IL12RB1: variants seen among roughly 807,000 people sequenced by gnomAD.
IL12RB1 encodes interleukin 12 receptor subunit beta 1.
IL12RB1 carries 64 observed loss-of-function variants against 94.4 expected under a neutral mutation model. The observed-to-expected ratio is 0.68, with a 90% CI of 0.55 to 0.83. The LOEUF (loss-of-function observed/expected upper bound fraction) is 0.83. Among genes scored for constraint, IL12RB1 ranks in the 40% least tolerant of loss-of-function variants. IL12RB1 has a pLI of 0.00. For missense variants in IL12RB1, 814 were observed against 855.6 expected, an observed-to-expected ratio of 0.95 and a Z score of 0.61; for synonymous variants, 362 against 355.5, an observed-to-expected ratio of 1.02 and a Z score of -0.21.
intron 5 of IL12RB1, among the ~76,000 whole-genome samples, chr19:18,077,284 C>G (rs1599529286): frequency 6.6e-6 from 1 of 152,008 alleles, no homozygotes; most frequent in South Asian, 2.1e-4. Context: ...ATCGCTTGAA[C>G]CCGGGAGGCA....
upstream of IL12RB1, among the ~76,000 whole-genome samples, chr19:18,087,816 C>T (rs900663284): frequency 2.0e-5 from 3 of 152,120 alleles, no homozygotes; most frequent in South Asian, 2.1e-4. Flanking sequence ...GCCACCGCAC[C>T]GGGCCATCTC....
In IL12RB1 at chr19:18,086,895, C is replaced by G; in HGVS notation, c.-72G>C. ...CTGCGAGGTTCAGCCACCCCGTCCC[C>G]ACTCCGGAACACATTGAAGCTGAGC... is the stretch of plus-strand genomic sequence containing the variant. On this transcript the variant is annotated 5_prime_UTR_variant, in exon 1 of 17. Transcript: ENST00000593993. The G allele has an allele frequency of 6.3e-7, 1 of 1,574,850 alleles. No homozygotes were observed. The highest frequency in any genetic ancestry group is 8.6e-7 in the Non-Finnish European group (1 of 1,159,344).
chr19:18,062,431 G>A (rs1008973294), intron 13 of IL12RB1, among the ~76,000 whole-genome samples, 154 bp from the exon 14 acceptor site: 3 of 152,154 alleles, frequency 2.0e-5, no homozygotes, highest in Non-Finnish European at 2.9e-5. Context: ...CCACCTGCCC[G>A]GTAGCTGTCA....
At position 18,072,251 on chromosome 19, in the gene IL12RB1, C is replaced by T; in HGVS notation, c.882G>A (p.Lys294=). 1 of 1,614,148 alleles carries T rather than the reference C, an allele frequency of 6.2e-7. No individual in the cohort carries two copies. Residue 294 remains lysine (K), a synonymous_variant, in exon 9 of 17, where the codon AAG becomes AAA. Coordinates refer to ENST00000593993, the MANE Select transcript of IL12RB1 (RefSeq NM_005535.3). The part of the protein sequence containing the change: ...LQLHMLSCPC[K]AKATRTLHLG... ...GGTGCAGGGTCCTGGTGGCCTTGGC[C>T]TTACACGGGCAGGACAGCATGTGGA... is the stretch of plus-strand genomic sequence containing the variant.
At chr19:18,092,381 T>C (rs1006585700) in intron 1 of IL12RB1, among the ~76,000 whole-genome samples, 2 of 151,780 alleles carry the variant, frequency 1.3e-5, no homozygotes, top group South Asian at 2.1e-4. Flanking sequence ...TCCCAGCTAC[T>C]TGGGAGGCTG....
At chr19:18,062,726 C>T in intron 13 of IL12RB1, among the ~76,000 whole-genome samples, 1 of 83,216 alleles carries the variant, frequency 1.2e-5, no homozygotes, top group Non-Finnish European at 4.0e-5. Context: ...GAGCCGAGAT[C>T]GCATCATTGC....
chr19:18,086,748 CA>C lies in IL12RB1; in HGVS notation c.64+11del, dbSNP rs1164906374. 5 of 1,606,668 alleles carry C rather than the reference CA, an allele frequency of 3.1e-6. No homozygotes were observed. The highest frequency in any genetic ancestry group is 4.2e-6 in the Non-Finnish European group (5 of 1,176,836). ...GCAAGAGGAGCCGCCATGCCAGGGT[CA>C]GGGGACTCACCGCCCTGCCTGGACA... On this transcript the variant is annotated intron_variant, in intron 1 of 16. Transcript: ENST00000593993.
At chr19:18,097,794 T>A (rs2037092300) in intron 1 of IL12RB1, 4 of 1,220,958 alleles carry the variant, frequency 3.3e-6, no homozygotes, top group Non-Finnish European at 4.1e-6. Flanking sequence ...TCCCGGGCCA[T>A]GGACGAGTCG....
At chr19:18,083,256 AG>A (rs1192068029) in intron 2 of IL12RB1, 175 bp downstream of exon 2, 2 of 712,630 alleles carry the variant, frequency 2.8e-6, no homozygotes, top group African/African-American at 3.5e-5. Flanking sequence ...TGGCTACTCC[AG>A]GGCAACTTGA....
intron 1 of IL12RB1, among the ~76,000 whole-genome samples, chr19:18,092,440 A>T (rs1227577684): frequency 6.6e-6 from 1 of 151,940 alleles, no homozygotes; most frequent in South Asian, 2.1e-4. Flanking sequence ...CGGTGAGCCA[A>T]GATCGTGCCA....
In IL12RB1 at chr19:18,068,374, GTT is replaced by G. The variant is rs747639226; in HGVS notation, c.1327+13_1327+14del. ...AAGAAAAAATAATGTAAACCTGCAG[GTT>G]TGGGTCACTTACCATTGCCCCCAAA... On this transcript the variant is annotated intron_variant, in intron 11 of 16. Transcript: ENST00000593993. 2.7e-5 allele frequency: 44 copies of G among 1,600,574 alleles called. No individual in the cohort carries two copies. The Admixed American group carries it at 7.7e-4, about 28-fold the overall frequency.
chr19:18,078,987 G>C (rs1716895282), intron 4 of IL12RB1, among the ~76,000 whole-genome samples: 1 of 151,950 alleles, frequency 6.6e-6, no homozygotes, highest in Non-Finnish European at 1.5e-5. Context: ...GATCATTTGA[G>C]CCCAGGAGTT....
rs1422712526 is a variant in IL12RB1 at position 18,077,641 on chromosome 19, G to A, written c.424C>T (p.Pro142Ser). Residue 142 changes from proline to serine, a missense_variant, in exon 5 of 17, where the codon CCT becomes TCT. By Grantham distance (74) the Pro-to-Ser change is moderately conservative. Transcript: ENST00000593993. ...TTGGACACCTTGATGTCTCCCAGAG[G>A]AGGCTCATATTTAACTGGAAGCAGA... ...QLYNSVKYEP[P>S]LGDIKVSKLA... is the part of the protein sequence containing the mutation. 1 of 1,593,702 alleles carries A rather than the reference G, an allele frequency of 6.3e-7. No homozygotes were observed. The highest frequency in any genetic ancestry group is 1.7e-5 in the Admixed American group (1 of 59,984).
intron 1 of IL12RB1, among the ~76,000 whole-genome samples, chr19:18,093,189 C>T (rs1390133594): frequency 6.6e-6 from 1 of 151,732 alleles, no homozygotes; most frequent in South Asian, 2.1e-4. Context: ...CCTGTAATTC[C>T]AGCTACTCGG....
chr19:18,077,796 G>C (rs2035596492), intron 4 of IL12RB1, 141 bp from the exon 5 acceptor site: 2 of 701,686 alleles, frequency 2.9e-6, no homozygotes, highest in African/African-American at 1.8e-5. Flanking sequence ...AGCTAAGCCT[G>C]GTATATTATG....
chr19:18,065,648 G>T (rs147899565), intron 12 of IL12RB1, among the ~76,000 whole-genome samples: 1 of 152,012 alleles, frequency 6.6e-6, no homozygotes, highest in African/African-American at 2.4e-5. Context: ...GTGAAACTCC[G>T]TCTCTGCTAA....
chr19:18,089,771 C>T (rs2036550074), upstream of IL12RB1, among the ~76,000 whole-genome samples: 1 of 152,198 alleles, frequency 6.6e-6, no homozygotes, highest in Non-Finnish European at 1.5e-5. Context: ...GCCCAAGTGG[C>T]CAGGGTTGTG....
At chr19:18,088,205 G>A (rs1471873209), upstream of IL12RB1, among the ~76,000 whole-genome samples, 1 of 151,956 alleles carries the variant, frequency 6.6e-6, no homozygotes, top group Non-Finnish European at 1.5e-5. Flanking sequence ...GACCAAAATG[G>A]TGAAACCCTG....
chr19:18,097,350 T>A (rs180953926), intron 1 of IL12RB1, among the ~76,000 whole-genome samples: 1 of 151,966 alleles, frequency 6.6e-6, no homozygotes, highest in South Asian at 2.1e-4. Flanking sequence ...AGTAATTTTT[T>A]TTTTGTTTTG....
Sources: gnomAD v4.1 joint callset for allele counts (sites outside exome capture counted in the v4.1 genomes callset) on GRCh38, gnomAD v4.1.1 for gene constraint, MANE v1.5 for transcripts, NCBI Gene and HGNC (gene_info 2026-07-23, HGNC 2026-07-21) for gene names.